COL4A4: variants seen among roughly 807,000 people sequenced by gnomAD.
COL4A4 encodes the protein collagen type IV alpha 4 chain.
Under a neutral mutation model 192.9 loss-of-function variants are expected in COL4A4, and 105 were observed. The observed-to-expected ratio is 0.54, with a 90% confidence interval of 0.46 to 0.64. The LOEUF (loss-of-function observed/expected upper bound fraction) is 0.64, where lower values mean the gene tolerates loss of function less well. Among genes scored for constraint, COL4A4 ranks in the 30% least tolerant of loss-of-function variants. COL4A4 has a pLI of 0.00. For synonymous variants in COL4A4, 762 were observed against 769.9 expected, an observed-to-expected ratio of 0.99 and a Z score of 0.17; for missense variants, 1,967 against 2,169.3, an observed-to-expected ratio of 0.91 and a Z score of 1.85.
At chr2:227,014,355 G>T (rs1964437913) in intron 44 of COL4A4, among the ~76,000 whole-genome samples, 1 of 152,208 alleles carries the variant, frequency 6.6e-6, no homozygotes, top group African/African-American at 2.4e-5. Context: ...TGCTGATGCT[G>T]CCAGTCCCAG....
At chr2:227,084,509 G>A (rs1006428421) in intron 22 of COL4A4, among the ~76,000 whole-genome samples, 1 of 151,872 alleles carries the variant, frequency 6.6e-6, no homozygotes. Flanking sequence ...AGACTTATTT[G>A]AGCTAGTAAG....
the COL4A4 span, chr2:226,988,853 C>A: frequency 3.9e-6 from 1 of 254,818 alleles, no homozygotes; most frequent in Non-Finnish European, 6.2e-6. Context: ...TATCTATTGC[C>A]AAACCTTACT....
At chr2:227,025,927 T>C (rs1311100929) in intron 42 of COL4A4, 117 bp from the exon 43 acceptor site, 1 of 899,396 alleles carries the variant, frequency 1.1e-6, no homozygotes, top group Admixed American at 2.2e-5. Context: ...TACATAATAA[T>C]TTGAGGCAGC....
At chr2:227,094,387 AT>A (rs1448269865) in intron 19 of COL4A4, 98 bp from the exon 20 acceptor site, 4 of 1,293,412 alleles carry the variant, frequency 3.1e-6, no homozygotes, top group South Asian at 2.6e-5. Context: ...AGGTTATCGA[AT>A]TTTTTAAAGG....
intron 4 of COL4A4, among the ~76,000 whole-genome samples, chr2:227,122,868 T>G (rs1422536591): frequency 1.3e-5 from 2 of 151,282 alleles, no homozygotes; most frequent in African/African-American, 4.9e-5. Context: ...TTATTTATTA[T>G]TATTATTTTT....
chr2:227,055,967 T>C lies in COL4A4; in HGVS notation c.2694A>G (p.Leu898=). 6.2e-7 allele frequency: 1 copy of C among 1,613,986 alleles called. No homozygotes were observed. Among genetic ancestry groups the C allele is most frequent in the Non-Finnish European group, 8.5e-7 (1 of 1,179,960 alleles). The change falls in exon 30 of 48, where the codon CTA becomes CTG. Residue 898 remains leucine (L), a synonymous_variant. Transcript: ENST00000396625. ...TACCCTTTGGACCTGGAGGACCAGG[T>C]AGCCCATCATCTCCAAAGGGACCTG... ...GIPGPFGDDG[L]PGPPGPKGPR... is the part of the protein sequence containing the mutation.
Position 227,062,244 on chromosome 2 carries a change from A to T in COL4A4, c.2056+286T>A, listed in dbSNP as rs1190785128. ...AAAGTGAGACTCCGTCTCAAAAAAA[A>T]AAAAAAAACTTTCAAGGGACAGACA... On this transcript the variant is annotated intron_variant, in intron 26 of 47. Transcript: ENST00000396625. 8.5e-5 allele frequency among the ~76,000 whole-genome samples: 13 copies of T among 152,272 alleles called. No homozygotes were observed. In the East Asian group the frequency reaches 2.3e-3, roughly 27 times the overall value.
chr2:227,094,596 C>G (rs1163248240), intron 19 of COL4A4, among the ~76,000 whole-genome samples: 1 of 152,030 alleles, frequency 6.6e-6, no homozygotes, highest in African/African-American at 2.4e-5. Context: ...CTTAGTCATG[C>G]AAGATAAATA....
In COL4A4 at chr2:227,043,201, CA is replaced by C; in HGVS notation, c.3290-18del. 1.2e-6 allele frequency: 2 copies of C among 1,602,002 alleles called. No homozygotes were observed. The highest frequency in any genetic ancestry group is 1.7e-6 in the Non-Finnish European group (2 of 1,168,998). On this transcript the variant is annotated intron_variant, in intron 35 of 47. Transcript: ENST00000396625. ...CAAAATGCCCTAAAGAAGGAAAGAT[CA>C]AACATCAGAGTTGCCGTTTGAGACA...
At chr2:227,018,174 G>T (rs75755673) in intron 44 of COL4A4, among the ~76,000 whole-genome samples, 1 of 152,090 alleles carries the variant, frequency 6.6e-6, no homozygotes, top group Non-Finnish European at 1.5e-5. Context: ...TAGCTGTCCT[G>T]CAGTTCTCCA....
At chr2:227,072,113 G>A (rs111260713) in intron 25 of COL4A4, among the ~76,000 whole-genome samples, 1,851 of 151,824 alleles carry the variant, frequency 0.012, 37 homozygotes, top group African/African-American at 0.042. Context: ...TAGTTAAAAA[G>A]CCGTTTCCTT....
intron 25 of COL4A4, among the ~76,000 whole-genome samples, chr2:227,076,474 T>C (rs962056462): frequency 1.3e-5 from 2 of 152,178 alleles, no homozygotes; most frequent in Non-Finnish European, 2.9e-5. Flanking sequence ...CCTTACATCT[T>C]ATACAAAAAT....
chr2:226,998,093 G>A (rs1445774590), downstream of COL4A4: 2 of 152,158 alleles, frequency 1.3e-5, no homozygotes, highest in South Asian at 2.1e-4. Context: ...TTAAGCCCCT[G>A]GTTCCCACAG....
chr2:227,071,220 G>T (rs2058703187), intron 25 of COL4A4, among the ~76,000 whole-genome samples: 1 of 152,092 alleles, frequency 6.6e-6, no homozygotes, highest in African/African-American at 2.4e-5. Flanking sequence ...ATTCCATGCA[G>T]ATAGAAACCA....
intron 43 of COL4A4, among the ~76,000 whole-genome samples, chr2:227,024,116 G>A (rs1460020890): frequency 1.3e-5 from 2 of 152,188 alleles, no homozygotes; most frequent in South Asian, 2.1e-4. Flanking sequence ...GCAATCCAGG[G>A]CATTCTGGCT....
intron 45 of COL4A4, among the ~76,000 whole-genome samples, chr2:227,010,770 A>C (rs1408903417): frequency 6.6e-6 from 1 of 152,242 alleles, no homozygotes; most frequent in Non-Finnish European, 1.5e-5. Flanking sequence ...CTGCCCTCAT[A>C]GAGCTTGCAT....
At chr2:227,118,618 T>C in intron 7 of COL4A4, 27 bp downstream of exon 7, 1 of 1,518,694 alleles carries the variant, frequency 6.6e-7, no homozygotes, top group African/African-American at 1.4e-5. Context: ...TTAAGATTCC[T>C]GTTAAGATGA....
chr2:227,072,214 G>C (rs2058762893), intron 25 of COL4A4, among the ~76,000 whole-genome samples: 1 of 151,846 alleles, frequency 6.6e-6, no homozygotes, highest in Non-Finnish European at 1.5e-5. Context: ...AACCGAAACT[G>C]GGGTCATTAC....
chr2:227,104,892 C>T (rs946882595), intron 12 of COL4A4, among the ~76,000 whole-genome samples: 46 of 150,144 alleles, frequency 3.1e-4, no homozygotes, highest in African/African-American at 1.0e-3. Context: ...CCGCCCGCCT[C>T]GGCCTCCCAA....
Sources: gnomAD v4.1 joint callset for allele counts (sites outside exome capture counted in the v4.1 genomes callset) on GRCh38, gnomAD v4.1.1 for gene constraint, MANE v1.5 for transcripts, NCBI Gene and HGNC (gene_info 2026-07-23, HGNC 2026-07-21) for gene names.